Variants in GMFG observed in about 807,000 individuals in gnomAD.
The protein encoded by GMFG is glia maturation factor gamma.
GMFG carries 21 observed loss-of-function variants against 26.1 expected under a neutral mutation model. The observed-to-expected ratio is 0.80, with a 90% CI of 0.57 to 1.16. The LOEUF (loss-of-function observed/expected upper bound fraction) is 1.16, where lower values mean the gene tolerates loss of function less well. GMFG is among the 50% of genes most tolerant of loss of function. GMFG has a pLI of 0.00. For synonymous variants in GMFG, 65 were observed against 60.8 expected, an observed-to-expected ratio of 1.07 and a Z score of -0.32; for missense variants, 161 against 178.3, an observed-to-expected ratio of 0.90 and a Z score of 0.55.
intron 3 of GMFG, among the ~76,000 whole-genome samples, chr19:39,334,206 C>T (rs960380456): frequency 5.3e-5 from 8 of 151,738 alleles, no homozygotes; most frequent in Non-Finnish European, 7.4e-5. Flanking sequence ...TTAGTAGAGA[C>T]GGGGTTTCAC....
At chr19:39,328,900 A>C (rs1417878805) in intron 6 of GMFG, 100 bp downstream of exon 6, 3 of 903,970 alleles carry the variant, frequency 3.3e-6, no homozygotes, top group Non-Finnish European at 5.5e-6. Context: ...AAACAAAAAC[A>C]AAAACCACTG....
chr19:39,330,683 AC>A (rs1465370213), intron 4 of GMFG, among the ~76,000 whole-genome samples: 1 of 148,866 alleles, frequency 6.7e-6, no homozygotes, highest in African/African-American at 2.5e-5. Flanking sequence ...TGCAGCCTCG[AC>A]CTCCCAGGTT....
chr19:39,335,972 A>G lies in GMFG; in HGVS notation c.3+2T>C. ...CTTCCCATAGAACCCCTGGCCCCTG[A>G]CCATGATTGTTCTGTCCACAGGCCT... On this transcript the variant is annotated splice_donor_variant, in intron 1 of 6. Coordinates refer to ENST00000597595, the MANE Select transcript of GMFG (RefSeq NM_004877.4). LOFTEE classifies it high-confidence loss of function. 1.3e-6 allele frequency: 2 copies of G among 1,596,262 alleles called. No homozygotes were observed. Among genetic ancestry groups the G allele is most frequent in the Non-Finnish European group, 8.6e-7 (1 of 1,164,046 alleles).
chr19:39,329,481 C>G, intron 5 of GMFG, 63 bp downstream of exon 5: 1 of 956,178 alleles, frequency 1.0e-6, no homozygotes, highest in Non-Finnish European at 1.7e-6. Flanking sequence ...TTCGCATTTA[C>G]ACACAAACAC....
At chr19:39,334,514 T>A (rs1000701308) in intron 3 of GMFG, among the ~76,000 whole-genome samples, 10 of 151,964 alleles carry the variant, frequency 6.6e-5, no homozygotes, top group Non-Finnish European at 1.5e-4. Flanking sequence ...GTGATCCTCC[T>A]GCCTCAGCCT....
chr19:39,328,592 G>A lies in GMFG; in HGVS notation c.358-44C>T, dbSNP rs767205221. On this transcript the variant is annotated intron_variant, in intron 6 of 6. Coordinates refer to ENST00000597595, the MANE Select transcript of GMFG (RefSeq NM_004877.4). ...CGGCATTATGATCTACTCAAACACT[G>A]AGACAGTGGCTGGGCACGGTGGCTC... is the stretch of plus-strand genomic sequence containing the variant. 6.9e-6 allele frequency: 10 copies of A among 1,452,298 alleles called. No homozygotes were observed. The Admixed American group carries it at 1.5e-4, about 22-fold the overall frequency. The allele number at this position is 1,452,298 out of a possible 1,614,324, so 90.0% of individuals were successfully genotyped here.
chr19:39,330,632 T>C (rs2145052160), intron 4 of GMFG, among the ~76,000 whole-genome samples: 1 of 151,620 alleles, frequency 6.6e-6, no homozygotes, highest in South Asian at 2.1e-4. Context: ...GGTCTCACTT[T>C]GTCACCCAGG....
chr19:39,335,002 A>G (rs1327597440), intron 3 of GMFG, among the ~76,000 whole-genome samples: 1 of 152,046 alleles, frequency 6.6e-6, no homozygotes, highest in Admixed American at 6.6e-5. Flanking sequence ...GGTGCCCACC[A>G]CCATGCCTAG....
chr19:39,333,269 A>G, intron 3 of GMFG, 143 bp from the exon 4 acceptor site: 1 of 417,062 alleles, frequency 2.4e-6, no homozygotes, highest in Non-Finnish European at 4.4e-6. Flanking sequence ...AACAGGGTGA[A>G]ACCCGTCTCT....
At chr19:39,329,951 C>T (rs1412959203) in intron 4 of GMFG, among the ~76,000 whole-genome samples, 5 of 151,910 alleles carry the variant, frequency 3.3e-5, no homozygotes, top group African/African-American at 7.3e-5. Flanking sequence ...TAGTGGTGGG[C>T]GCCTGTAATC....
At chr19:39,334,097 A>G (rs549818463) in intron 3 of GMFG, among the ~76,000 whole-genome samples, 4 of 147,808 alleles carry the variant, frequency 2.7e-5, no homozygotes, top group Non-Finnish European at 1.5e-5. Flanking sequence ...GCTCACTGCA[A>G]GCTCCGCCTC....
chr19:39,332,097 C>T (rs2075228702), intron 4 of GMFG, among the ~76,000 whole-genome samples: 2 of 151,712 alleles, frequency 1.3e-5, no homozygotes, highest in Admixed American at 1.3e-4. Flanking sequence ...AATCCCAGCA[C>T]TTTGGGAGGC....
chr19:39,335,938 GC>G, intron 1 of GMFG, 35 bp downstream of exon 1: 2 of 1,298,402 alleles, frequency 1.5e-6, no homozygotes, highest in Non-Finnish European at 2.2e-6. Flanking sequence ...CCCAACCCCA[GC>G]CCCAGCTCTT....
chr19:39,333,993 T>C (rs1157415607), intron 3 of GMFG, among the ~76,000 whole-genome samples: 3 of 143,002 alleles, frequency 2.1e-5, no homozygotes, highest in Admixed American at 2.1e-4. Flanking sequence ...TCTACCCCCT[T>C]TTTTTTTTTT....
At chr19:39,335,366 A>G (rs773058228) in intron 2 of GMFG, 56 bp from the exon 3 acceptor site, 44 of 1,590,612 alleles carry the variant, frequency 2.8e-5, no homozygotes, top group Admixed American at 1.0e-4. Flanking sequence ...TGGGGGACAC[A>G]AGCCCAGCCC....
rs143496592 is a variant in GMFG at position 39,329,581 on chromosome 19, C to T, written c.246G>A (p.Val82=). The T allele has an allele frequency of 5.5e-5, 89 of 1,611,518 alleles. No individual in the cohort carries two copies. Among genetic ancestry groups the T allele is most frequent in the Non-Finnish European group, 7.1e-5 (84 of 1,177,814 alleles). Residue 82 remains valine (V), a synonymous_variant, in exon 5 of 7, where the codon GTG becomes GTA. Transcript: ENST00000597595. ...SYKYVHDDGR[V]SYPLCFIFSS... is the part of the protein sequence containing the mutation. ...AGAAGATGAAACACAAAGGGTAGGA[C>T]ACTCGGCCATCGTCATGCACGTACT...
intron 3 of GMFG, among the ~76,000 whole-genome samples, chr19:39,333,686 C>T (rs1256676358): frequency 2.6e-5 from 4 of 152,096 alleles, no homozygotes; most frequent in South Asian, 2.1e-4. Flanking sequence ...GCAACTATCC[C>T]GTAAGTCTGT....
At chr19:39,335,376 C>T in intron 2 of GMFG, 59 bp downstream of exon 2, 1 of 1,588,106 alleles carries the variant, frequency 6.3e-7, no homozygotes, top group Non-Finnish European at 8.6e-7. Flanking sequence ...AAGCCCAGCC[C>T]TCCCTATCTG....
At chr19:39,335,760 T>C (rs1004644054) in intron 1 of GMFG, among the ~76,000 whole-genome samples, 6 of 152,158 alleles carry the variant, frequency 3.9e-5, no homozygotes, top group South Asian at 4.1e-4. Flanking sequence ...ACGGGGACTC[T>C]TGGGGGACAC....
Sources: allele counts gnomAD v4.1 joint callset (sites outside exome capture counted in the v4.1 genomes callset), GRCh38; gene constraint gnomAD v4.1.1; transcripts MANE v1.5; gene names NCBI Gene and HGNC (gene_info 2026-07-23, HGNC 2026-07-21).